The following KIAA1671 variants were observed in gnomAD, a reference collection of about 807,000 sequenced individuals.
The protein encoded by KIAA1671 is KIAA1671, also known as uncharacterized protein KIAA1671.
In KIAA1671, 52 loss-of-function variants were observed where a neutral mutation model predicts 131.2. The ratio of observed to expected loss-of-function variants is 0.40; its 90% CI spans 0.32 to 0.50. KIAA1671 has a LOEUF of 0.50. Among genes scored for constraint, KIAA1671 ranks in the 20% least tolerant of loss-of-function variants. The pLI, the probability that KIAA1671 is intolerant of heterozygous loss-of-function variation, is 0.73. For missense variants in KIAA1671, 2,360 were observed against 2,364.2 expected, an observed-to-expected ratio of 1.00 and a Z score of 0.04; for synonymous variants, 1,003 against 961.6, an observed-to-expected ratio of 1.04 and a Z score of -0.80.
intron 6 of KIAA1671, chr22:25,053,315 C>T (rs976179069): frequency 1.3e-5 from 2 of 152,244 alleles, no homozygotes; most frequent in Non-Finnish European, 2.9e-5. Flanking sequence ...ATCAGGCTTC[C>T]TCCCTCTCCT....
intron 6 of KIAA1671, among the ~76,000 whole-genome samples, chr22:25,124,734 G>T (rs1932100351): frequency 6.6e-6 from 1 of 152,156 alleles, no homozygotes; most frequent in African/African-American, 2.4e-5. Flanking sequence ...GTAACAAACT[G>T]CCAGCTCTCA....
At chr22:25,037,137 A>G (rs1166797353) in intron 4 of KIAA1671, among the ~76,000 whole-genome samples, 1 of 152,040 alleles carries the variant, frequency 6.6e-6, no homozygotes, top group Non-Finnish European at 1.5e-5. Context: ...AGCCTGGCCA[A>G]CGTGGTGAAA....
chr22:25,080,738 T>C (rs1929358532), intron 6 of KIAA1671, among the ~76,000 whole-genome samples: 1 of 152,198 alleles, frequency 6.6e-6, no homozygotes, highest in South Asian at 2.1e-4. Context: ...TGTCTGCCTG[T>C]TATGGCCCCT....
intron 1 of KIAA1671, chr22:25,022,659 AAC>A (rs1925736906): frequency 6.6e-6 from 1 of 152,228 alleles, no homozygotes; most frequent in African/African-American, 2.4e-5. Context: ...CAAGTTCAGC[AAC>A]AGTAGAGAAA....
intron 6 of KIAA1671, among the ~76,000 whole-genome samples, chr22:25,142,656 G>A (rs1932823182): frequency 6.6e-6 from 1 of 152,192 alleles, no homozygotes; most frequent in Admixed American, 6.5e-5. Context: ...TGGGTCACCT[G>A]AGGTCAGGAG....
intron 6 of KIAA1671, among the ~76,000 whole-genome samples, chr22:25,133,318 T>C (rs1316443962): frequency 6.6e-6 from 1 of 152,200 alleles, no homozygotes; most frequent in Non-Finnish European, 1.5e-5. Flanking sequence ...TCAGAAATGC[T>C]AAGTCTGGGG....
intron 6 of KIAA1671, among the ~76,000 whole-genome samples, chr22:25,081,177 A>G (rs923038577): frequency 1.3e-5 from 2 of 152,238 alleles, no homozygotes; most frequent in Non-Finnish European, 2.9e-5. Flanking sequence ...ACCCTGAGCA[A>G]CTATTTGCCC....
Position 25,094,014 on chromosome 22 carries a change from T to C in KIAA1671, c.4530+44650T>C, listed in dbSNP as rs140518299. ...AGAAGGGAGGGAGGACAGAGAGATA[T>C]ATGGGGCCACCCTGAGGACTGTATA... is the stretch of plus-strand genomic sequence containing the variant. On this transcript the variant is annotated intron_variant, in intron 6 of 12. Coordinates refer to ENST00000358431, the MANE Select transcript of KIAA1671 (RefSeq NM_001145206.2). 5.6e-3 allele frequency among the ~76,000 whole-genome samples: 854 copies of C among 152,076 alleles called. 4 individuals carry two copies. Among genetic ancestry groups the C allele is most frequent in the Non-Finnish European group, 8.9e-3 (608 of 68,000 alleles).
chr22:25,114,989 A>G (rs550374758), intron 6 of KIAA1671, among the ~76,000 whole-genome samples: 1 of 152,198 alleles, frequency 6.6e-6, no homozygotes, highest in African/African-American at 2.4e-5. Context: ...GTGTAGAAGA[A>G]TCTATTGCGG....
intron 6 of KIAA1671, among the ~76,000 whole-genome samples, chr22:25,129,583 C>A (rs1932341877): frequency 6.6e-6 from 1 of 150,718 alleles, no homozygotes. Flanking sequence ...GCTTTGCAAT[C>A]TACCAGCATG....
intron 1 of KIAA1671, among the ~76,000 whole-genome samples, chr22:24,954,133 G>C (rs76976207): frequency 2.6e-4 from 40 of 152,214 alleles, no homozygotes; most frequent in African/African-American, 9.1e-4. Flanking sequence ...TTTTGAAACC[G>C]CAGGATTAGA....
rs549144591 is a variant in KIAA1671 at position 25,042,709 on chromosome 22, G to A, written c.4395+1184G>A. On this transcript the variant is annotated intron_variant, in intron 5 of 12. Transcript: ENST00000358431. ...AGGCCGGTCTTGAACTCCTGACCTC[G>A]TGATCCGCCCACCTTGACCTCCCAA... is the stretch of plus-strand genomic sequence containing the variant. Among the ~76,000 whole-genome samples the A allele has an allele frequency of 3.6e-3, 543 of 151,868 alleles. 2 individuals are homozygous for A. Among genetic ancestry groups the A allele is most frequent in the African/African-American group, 0.012 (517 of 41,434 alleles).
At chr22:25,089,062 C>T (rs1025444577) in intron 6 of KIAA1671, among the ~76,000 whole-genome samples, 1 of 152,096 alleles carries the variant, frequency 6.6e-6, no homozygotes, top group Non-Finnish European at 1.5e-5. Flanking sequence ...TACAGCATAA[C>T]AGCTATTTAC....
chr22:25,129,840 T>C (rs1932353377), intron 6 of KIAA1671, among the ~76,000 whole-genome samples: 1 of 152,116 alleles, frequency 6.6e-6, no homozygotes. Flanking sequence ...TCCCTAGCTC[T>C]AAAATGGAGA....
At chr22:25,169,711 G>A (rs946690597) in intron 6 of KIAA1671, among the ~76,000 whole-genome samples, 2 of 152,196 alleles carry the variant, frequency 1.3e-5, no homozygotes, top group Non-Finnish European at 2.9e-5. Context: ...CCGTGTGCCA[G>A]GCTTGGCCCT....
At chr22:25,089,221 C>T (rs931593310) in intron 6 of KIAA1671, among the ~76,000 whole-genome samples, 1 of 150,946 alleles carries the variant, frequency 6.6e-6, no homozygotes, top group Non-Finnish European at 1.5e-5. Context: ...GGTCCTGGAA[C>T]CAATCCCCCA....
intron 6 of KIAA1671, among the ~76,000 whole-genome samples, chr22:25,119,544 G>A (rs1023245781): frequency 1.3e-5 from 2 of 152,230 alleles, no homozygotes; most frequent in Non-Finnish European, 2.9e-5. Context: ...GGGACTCATA[G>A]GAGCAGGGAG....
In KIAA1671 at chr22:25,160,631, G is replaced by A. The variant is rs73405498; in HGVS notation, c.4531-10189G>A. Among the ~76,000 whole-genome samples the A allele has an allele frequency of 8.9e-3, 1,352 of 152,204 alleles. 23 individuals are homozygous for A. The highest frequency in any genetic ancestry group is 0.03 in the African/African-American group (1,259 of 41,502). Reference sequence around the variant, plus strand: ...GAGTAGTGTCCACAGCATGTCCTGAGTAGCCTGCAGCCAGGAGATCAGCCC... The same window carrying A: ...GAGTAGTGTCCACAGCATGTCCTGAATAGCCTGCAGCCAGGAGATCAGCCC... On this transcript the variant is annotated intron_variant, in intron 6 of 12. Transcript: ENST00000358431.
intron 1 of KIAA1671, chr22:25,023,174 C>T (rs1216356374): frequency 6.6e-6 from 1 of 151,674 alleles, no homozygotes; most frequent in Non-Finnish European, 1.5e-5. Context: ...TGCCATTGCA[C>T]TCTAGCCTGC....
Sources: gnomAD v4.1 joint callset for allele counts (sites outside exome capture counted in the v4.1 genomes callset) on GRCh38, gnomAD v4.1.1 for gene constraint, MANE v1.5 for transcripts, NCBI Gene and HGNC (gene_info 2026-07-23, HGNC 2026-07-21) for gene names.